ANKRD13A: variants seen among roughly 807,000 people sequenced by gnomAD.
ANKRD13A encodes the protein ankyrin repeat domain-containing protein 13A.
In ANKRD13A, 48 loss-of-function variants were observed where a neutral mutation model predicts 81.3. The ratio of observed to expected loss-of-function variants is 0.59; its 90% CI spans 0.47 to 0.75. ANKRD13A has a LOEUF of 0.75. Ranked by LOEUF, ANKRD13A falls within the 30% of genes least tolerant of loss-of-function variation. The pLI, the probability that ANKRD13A is intolerant of heterozygous loss-of-function variation, is 0.00. For synonymous variants in ANKRD13A, 230 were observed against 270.1 expected (o/e 0.85, Z 1.45); for missense variants, 612 against 734.0 (o/e 0.83, Z 1.92).
At chr12:110,026,804 C>G (rs559611891) in intron 8 of ANKRD13A, among the ~76,000 whole-genome samples, 64 of 152,182 alleles carry the variant, frequency 4.2e-4, no homozygotes, top group African/African-American at 1.5e-3. Flanking sequence ...ATCGCTTGAA[C>G]CCCAGAGGTG....
At chr12:110,023,983 A>G (rs1326793224) in intron 6 of ANKRD13A, 63 bp from the exon 7 acceptor site, 1 of 1,495,924 alleles carries the variant, frequency 6.7e-7, no homozygotes, top group Admixed American at 1.9e-5. Context: ...TATAAAGGCT[A>G]CAGATATAAA....
intron 8 of ANKRD13A, 57 bp downstream of exon 8, chr12:110,025,880 G>A: frequency 6.8e-7 from 1 of 1,478,688 alleles, no homozygotes; most frequent in Non-Finnish European, 9.4e-7. Flanking sequence ...AGCCTAGAGG[G>A]AACTCTTTGT....
intron 13 of ANKRD13A, among the ~76,000 whole-genome samples, chr12:110,034,335 A>G (rs1365227564): frequency 6.6e-6 from 1 of 152,112 alleles, no homozygotes. Context: ...AGTGAAGTGG[A>G]TTTGAATCCC....
In ANKRD13A at chr12:110,018,692, C is replaced by T. The variant is rs1306586144; in HGVS notation, c.544+204C>T. ...GCTCTCCTTCATGTGTCCTTTACCACCCAGCAGTTACCCTTGTGATGTGTC... is the reference window on the plus strand; with the variant it reads ...GCTCTCCTTCATGTGTCCTTTACCATCCAGCAGTTACCCTTGTGATGTGTC... On this transcript the variant is annotated intron_variant, in intron 5 of 14. Transcript: ENST00000261739. The surrounding 1 kb of genome is among the most constrained non-coding windows in gnomAD (Gnocchi z 4.4). Among the ~76,000 whole-genome samples, 2 of 152,174 alleles carry T rather than the reference C, an allele frequency of 1.3e-5. No individual in the cohort carries two copies. Among genetic ancestry groups the T allele is most frequent in the Non-Finnish European group, 2.9e-5 (2 of 68,028 alleles).
At position 110,018,330 on chromosome 12, in the gene ANKRD13A, A is replaced by G. The variant is rs761190108; in HGVS notation, c.401-15A>G. ...GCCCTTGAGTTTTTCTCAGTAGTAC[A>G]CTTCTCTCCTCCAGTGCCCTTGGTT... On this transcript the variant is annotated splice_polypyrimidine_tract_variant and intron_variant, in intron 4 of 14. Transcript: ENST00000261739. This position sits in a 1 kb window ranked among gnomAD's most constrained non-coding sequence, Gnocchi z 4.4. 6.2e-7 allele frequency: 1 copy of G among 1,613,570 alleles called. No homozygotes were observed. The highest frequency in any genetic ancestry group is 1.7e-5 in the Admixed American group (1 of 59,968).
chr12:110,015,229 AATGTT>A (rs1446704681), intron 3 of ANKRD13A, among the ~76,000 whole-genome samples: 1 of 152,196 alleles, frequency 6.6e-6, no homozygotes, highest in Non-Finnish European at 1.5e-5. Context: ...AGTGGAGAAA[AATGTT>A]ATGTTAACTG....
chr12:110,012,271 G>A, intron 2 of ANKRD13A, 134 bp downstream of exon 2: 1 of 1,060,512 alleles, frequency 9.4e-7, no homozygotes, highest in East Asian at 2.6e-5. Context: ...AGGCTGAGGG[G>A]GTAGGATCAC....
rs751802235 is a variant in ANKRD13A at position 110,013,157 on chromosome 12, G to C, written c.262G>C (p.Glu88Gln). The change falls in exon 3 of 15, where the codon GAG becomes CAG. Residue 88 changes from glutamate (E) to glutamine (Q), a missense_variant. By Grantham distance (29) the Glu-to-Gln change is conservative (BLOSUM62 2). Coordinates refer to ENST00000261739, the MANE Select transcript of ANKRD13A (RefSeq NM_033121.2). ...LHEAVSTGDP[E>Q]MVYTVLQHRD... ...TGAGGCTGTGAGCACTGGCGATCCT[G>C]AGATGGTGTACACAGTTCTCCAACA... The C allele has an allele frequency of 6.2e-7, 1 of 1,614,172 alleles. No individual in the cohort carries two copies. Among genetic ancestry groups the C allele is most frequent in the Non-Finnish European group, 8.5e-7 (1 of 1,180,010 alleles).
At chr12:110,031,225 CA>C (rs970468767) in intron 12 of ANKRD13A, among the ~76,000 whole-genome samples, 4 of 148,670 alleles carry the variant, frequency 2.7e-5, no homozygotes, top group East Asian at 2.0e-4. Flanking sequence ...TTAGATTAAG[CA>C]AAAAAAAACT....
chr12:110,028,723 C>T (rs1404930217), intron 10 of ANKRD13A, 81 bp downstream of exon 10: 1 of 1,563,748 alleles, frequency 6.4e-7, no homozygotes, highest in Non-Finnish European at 8.7e-7. Context: ...TTGGATCATT[C>T]CACTGCCCTC....
At chr12:110,035,150 C>T (rs1233630817) in intron 13 of ANKRD13A, among the ~76,000 whole-genome samples, 3 of 152,186 alleles carry the variant, frequency 2.0e-5, no homozygotes, top group Non-Finnish European at 4.4e-5. Context: ...TGCACATCAC[C>T]ATCAGCCTGG....
At chr12:110,024,231 C>G in intron 7 of ANKRD13A, 119 bp downstream of exon 7, 1 of 875,374 alleles carries the variant, frequency 1.1e-6, no homozygotes, top group Non-Finnish European at 1.8e-6. Context: ...GGAATGAGAA[C>G]TGTCTAATGT....
At chr12:110,023,866 G>A in intron 6 of ANKRD13A, 180 bp from the exon 7 acceptor site, 1 of 565,754 alleles carries the variant, frequency 1.8e-6, no homozygotes, top group Admixed American at 3.1e-5. Context: ...TGTGGGAGGA[G>A]GGTGGAGGGT....
At chr12:110,000,008 G>A (rs968871956) in intron 1 of ANKRD13A, among the ~76,000 whole-genome samples, 1 of 152,170 alleles carries the variant, frequency 6.6e-6, no homozygotes, top group African/African-American at 2.4e-5. Flanking sequence ...ACGCTGGTGG[G>A]TAGGTACTGT....
At chr12:110,020,237 C>G (rs1050146712) in intron 6 of ANKRD13A, among the ~76,000 whole-genome samples, 9 of 152,100 alleles carry the variant, frequency 5.9e-5, no homozygotes, top group African/African-American at 2.2e-4. Context: ...ACATCCAGCT[C>G]TCTGCAAGCC....
chr12:110,032,691 G>A (rs952107565), intron 12 of ANKRD13A: 2 of 152,156 alleles, frequency 1.3e-5, no homozygotes, highest in Non-Finnish European at 2.9e-5. Context: ...ACCTGGAAAC[G>A]ACCCAAATGT....
chr12:110,030,958 G>A (rs1165507833), intron 12 of ANKRD13A, among the ~76,000 whole-genome samples, 200 bp downstream of exon 12: 1 of 152,082 alleles, frequency 6.6e-6, no homozygotes, highest in Non-Finnish European at 1.5e-5. Flanking sequence ...AGCCGGGTGT[G>A]GTGGCGCATG....
chr12:110,028,728 G>A, intron 10 of ANKRD13A, 86 bp downstream of exon 10: 1 of 1,552,210 alleles, frequency 6.4e-7, no homozygotes, highest in Non-Finnish European at 8.8e-7. Context: ...TCATTCCACT[G>A]CCCTCCCCAC....
Position 109,999,730 on chromosome 12 carries a change from C to A in ANKRD13A, c.42C>A (p.His14Gln). 7 of 1,536,974 alleles carry A rather than the reference C, an allele frequency of 4.6e-6. No homozygotes were observed. Among genetic ancestry groups the A allele is most frequent in the Non-Finnish European group, 6.1e-6 (7 of 1,140,122 alleles). The change falls in exon 1 of 15, where the codon CAC becomes CAA. Residue 14 changes from histidine to glutamine, a missense_variant. His to Gln is a conservative substitution (Grantham distance 24). Coordinates refer to ENST00000261739, the MANE Select transcript of ANKRD13A (RefSeq NM_033121.2). The surrounding 1 kb of genome is among the most constrained non-coding windows in gnomAD (Gnocchi z 4.3). ...ACDAGDHYPL[H>Q]LLVWKNDYRQ... ...ACGCGGGCGACCACTACCCCCTGCACCTCCTAGTCTGGAAAAACGACTACC... is the reference window on the plus strand; with the variant it reads ...ACGCGGGCGACCACTACCCCCTGCAACTCCTAGTCTGGAAAAACGACTACC...
Sources: gnomAD v4.1 joint callset for allele counts (sites outside exome capture counted in the v4.1 genomes callset) on GRCh38, gnomAD v4.1.1 for gene constraint, Gnocchi (gnomAD v3.1) non-coding constraint, MANE v1.5 for transcripts, NCBI Gene and HGNC (gene_info 2026-07-23, HGNC 2026-07-21) for gene names.